Variants in SARNP observed in about 807,000 individuals in gnomAD.
SARNP encodes the protein SAP domain containing ribonucleoprotein, also known as SAP domain-containing ribonucleoprotein.
In SARNP, 5 loss-of-function variants were observed where a neutral mutation model predicts 38.1. The ratio of observed to expected loss-of-function variants is 0.13; its 90% CI spans 0.07 to 0.28. The LOEUF (loss-of-function observed/expected upper bound fraction) is 0.28. SARNP is among the 10% of genes least tolerant of loss of function. SARNP has a pLI of 1.00. For missense variants in SARNP, 180 were observed against 243.9 expected (o/e 0.74, Z 1.75); for synonymous variants, 84 against 80.6 (o/e 1.04, Z -0.23).
intron 9 of SARNP, among the ~76,000 whole-genome samples, chr12:55,781,533 CAAA>C (rs56737127): frequency 4.6e-5 from 4 of 86,658 alleles, no homozygotes; most frequent in Admixed American, 1.2e-4. Flanking sequence ...AACTCCGTCT[CAAA>C]AAAAAAAAAA....
rs149890738 is a variant in SARNP at position 55,790,731 on chromosome 12, T to C, written c.407-139A>G. On this transcript the variant is annotated intron_variant, in intron 7 of 10. Coordinates refer to ENST00000336133, the MANE Select transcript of SARNP (RefSeq NM_033082.4). Reference sequence around the variant, plus strand: ...AGGCAGAAATTGCATGTAGCGATCATGTCTGCATTCACTGCTAGCAGGAAC... The same window carrying C: ...AGGCAGAAATTGCATGTAGCGATCACGTCTGCATTCACTGCTAGCAGGAAC... The C allele has an allele frequency of 8.7e-4, 723 of 833,816 alleles. 3 individuals are homozygous for C. The African/African-American group carries it at 0.011, about 13-fold the overall frequency. The allele number at this position is 833,816 out of a possible 1,614,324, so 51.7% of individuals were successfully genotyped here.
chr12:55,813,397 G>A (rs1370264635), intron 1 of SARNP, among the ~76,000 whole-genome samples: 7 of 152,130 alleles, frequency 4.6e-5, no homozygotes, highest in Non-Finnish European at 8.8e-5. Flanking sequence ...TTAGATAAAC[G>A]TGTTAGGGAG....
chr12:55,812,512 T>C (rs1218813703), intron 1 of SARNP, among the ~76,000 whole-genome samples: 1 of 152,230 alleles, frequency 6.6e-6, no homozygotes, highest in African/African-American at 2.4e-5. Context: ...CAAGTCTTCA[T>C]CATCAGCTTT....
intron 7 of SARNP, chr12:55,793,685 A>C (rs535774199): frequency 9.9e-5 from 15 of 152,092 alleles, no homozygotes; most frequent in African/African-American, 3.6e-4. Context: ...TGAAGTGTCT[A>C]CTATGTATCC....
At chr12:55,783,757 A>G (rs761656925) in intron 9 of SARNP, among the ~76,000 whole-genome samples, 8 of 152,032 alleles carry the variant, frequency 5.3e-5, no homozygotes, top group Admixed American at 3.3e-4. Flanking sequence ...CTGAAGCCAT[A>G]AATCTAAAAT....
intron 1 of SARNP, among the ~76,000 whole-genome samples, chr12:55,809,911 T>C (rs1880275136): frequency 6.6e-6 from 1 of 152,232 alleles, no homozygotes; most frequent in Non-Finnish European, 1.5e-5. Context: ...GAAGCTAGTT[T>C]GGGAAAAGTG....
At position 55,774,816 on chromosome 12, in the gene SARNP, G is replaced by A. The variant is rs1328329221; in HGVS notation, c.502-14176C>T. 2.6e-5 allele frequency among the ~76,000 whole-genome samples: 4 copies of A among 151,330 alleles called. No individual in the cohort carries two copies. The East Asian group carries it at 7.8e-4, about 29-fold the overall frequency. ...CTCAGTTACGCATCTCCCCTGCCAGGGATTTCCAGATTTAATATTTGTTAC... is the reference window on the plus strand; with the variant it reads ...CTCAGTTACGCATCTCCCCTGCCAGAGATTTCCAGATTTAATATTTGTTAC... On this transcript the variant is annotated intron_variant, in intron 9 of 10. Coordinates refer to ENST00000336133, the MANE Select transcript of SARNP (RefSeq NM_033082.4).
chr12:55,797,045 T>A (rs1879841480), intron 4 of SARNP, among the ~76,000 whole-genome samples: 1 of 152,118 alleles, frequency 6.6e-6, no homozygotes. Flanking sequence ...GCATTAACCC[T>A]CCACCAAACA....
At chr12:55,769,962 A>G (rs374379086) in intron 9 of SARNP, among the ~76,000 whole-genome samples, 1 of 152,182 alleles carries the variant, frequency 6.6e-6, no homozygotes, top group South Asian at 2.1e-4. Context: ...CCCCATTGTA[A>G]GGAGAGGAGT....
At chr12:55,787,763 T>C (rs1483917883) in intron 9 of SARNP, among the ~76,000 whole-genome samples, 4 of 147,168 alleles carry the variant, frequency 2.7e-5, no homozygotes, top group South Asian at 2.1e-4. Flanking sequence ...TTTTTTTTTT[T>C]CTTGAGACGG....
chr12:55,791,493 T>C (rs1048126005), intron 7 of SARNP, among the ~76,000 whole-genome samples: 5 of 152,086 alleles, frequency 3.3e-5, no homozygotes, highest in African/African-American at 9.7e-5. Flanking sequence ...TCAGGACTTG[T>C]AGACCAGCCT....
At chr12:55,763,277 G>A (rs1293851699) in intron 9 of SARNP, among the ~76,000 whole-genome samples, 1 of 151,408 alleles carries the variant, frequency 6.6e-6, no homozygotes, top group Non-Finnish European at 1.5e-5. Flanking sequence ...ACTGTGTGCA[G>A]TTCTTTACAC....
chr12:55,809,246 T>C (rs1880251554), intron 1 of SARNP, among the ~76,000 whole-genome samples: 1 of 149,810 alleles, frequency 6.7e-6, no homozygotes, highest in African/African-American at 2.5e-5. Context: ...ACTGAATGAA[T>C]TGTATGGTAC....
chr12:55,783,740 T>C (rs1369993458), intron 9 of SARNP, among the ~76,000 whole-genome samples: 1 of 151,988 alleles, frequency 6.6e-6, no homozygotes, highest in Non-Finnish European at 1.5e-5. Flanking sequence ...CTTAAATCTG[T>C]AATATGCTGA....
At chr12:55,775,088 C>G (rs999544611) in intron 9 of SARNP, among the ~76,000 whole-genome samples, 3 of 150,878 alleles carry the variant, frequency 2.0e-5, no homozygotes, top group African/African-American at 7.3e-5. Context: ...GGGGTTTCAC[C>G]GTGTTAGCCA....
intron 9 of SARNP, among the ~76,000 whole-genome samples, chr12:55,765,182 T>C (rs909191227): frequency 3.3e-5 from 5 of 152,326 alleles, no homozygotes; most frequent in African/African-American, 1.2e-4. Context: ...ACAGAGGAGA[T>C]AAGACTTTTG....
chr12:55,790,586 G>A lies in SARNP; in HGVS notation c.413C>T (p.Ser138Leu), dbSNP rs751982593. ...TCTTACCATAGGTTTGTTATCAGAT[G>A]ACAGACCTAAGGAAGTAAATAAAGT... The part of the protein sequence containing the change: ...GISSVPTKGL[S>L]SDNKPMVNLD... The change falls in exon 8 of 11, where the codon TCA becomes TTA. Residue 138 changes from serine to leucine, a missense_variant. Ser to Leu is a moderately radical substitution (Grantham distance 145). Transcript: ENST00000336133. 7 of 1,544,198 alleles carry A rather than the reference G, an allele frequency of 4.5e-6. No homozygotes were observed. The highest frequency in any genetic ancestry group is 6.1e-6 in the Non-Finnish European group (7 of 1,144,746).
At chr12:55,811,187 AC>A in intron 1 of SARNP, among the ~76,000 whole-genome samples, 1 of 152,304 alleles carries the variant, frequency 6.6e-6, no homozygotes, top group South Asian at 2.1e-4. Flanking sequence ...TATGATGGGA[AC>A]TCAAAATCCT....
At chr12:55,787,241 T>TTAAAAAAA (rs758060646) in intron 9 of SARNP, among the ~76,000 whole-genome samples, 16 of 103,454 alleles carry the variant, frequency 1.5e-4, no homozygotes, top group African/African-American at 5.4e-4. Flanking sequence ...CAAAAAAGAC[T>TTAAAAAAA]AAAAAAAAAA....
Sources: gnomAD v4.1 joint callset for allele counts (sites outside exome capture counted in the v4.1 genomes callset) on GRCh38, gnomAD v4.1.1 for gene constraint, MANE v1.5 for transcripts, NCBI Gene and HGNC (gene_info 2026-07-23, HGNC 2026-07-21) for gene names.